Variants in SLC24A2 observed in about 807,000 individuals in gnomAD.
SLC24A2 encodes the protein sodium/potassium/calcium exchanger 2.
In SLC24A2, 36 loss-of-function variants were observed where a neutral mutation model predicts 62.0. That is an observed-to-expected ratio of 0.58 (90% CI 0.44 to 0.77). The LOEUF (loss-of-function observed/expected upper bound fraction) is 0.77, where lower values mean the gene tolerates loss of function less well. SLC24A2 is among the 30% of genes least tolerant of loss of function. The pLI is 0.00. For synonymous variants in SLC24A2, 358 were observed against 294.0 expected (o/e 1.22, Z -2.23); for missense variants, 846 against 817.9 (o/e 1.03, Z -0.42).
chr9:19,609,125 CTG>C (rs2132930936), intron 4 of SLC24A2, among the ~76,000 whole-genome samples: 2 of 152,398 alleles, frequency 1.3e-5, no homozygotes, highest in South Asian at 4.1e-4. Context: ...CCAGTGCTCA[CTG>C]TGTCCAGTGC....
intron 2 of SLC24A2, among the ~76,000 whole-genome samples, chr9:19,727,667 A>T (rs1821210848): frequency 6.6e-6 from 1 of 152,228 alleles, no homozygotes; most frequent in Admixed American, 6.5e-5. Flanking sequence ...CATTCAAGTA[A>T]TTTTGCTATA....
At chr9:20,185,749 C>T in the SLC24A2 span, among the ~76,000 whole-genome samples, 6 of 151,888 alleles carry the variant, frequency 4.0e-5, no homozygotes, top group Non-Finnish European at 7.4e-5. Context: ...TGATAATTTG[C>T]ATTTTAAAAT....
chr9:19,824,164 T>C, the SLC24A2 span, among the ~76,000 whole-genome samples: 2 of 152,074 alleles, frequency 1.3e-5, no homozygotes, highest in Non-Finnish European at 2.9e-5. Flanking sequence ...AAGCCAAAAT[T>C]GACAAATGGT....
the SLC24A2 span, among the ~76,000 whole-genome samples, chr9:20,162,234 C>A: frequency 6.6e-6 from 1 of 150,974 alleles, no homozygotes; most frequent in Admixed American, 6.6e-5. Context: ...CAAGACACCT[C>A]TTAAAAGAAA....
intron 2 of SLC24A2, among the ~76,000 whole-genome samples, chr9:19,682,127 G>C (rs1382941727): frequency 6.6e-6 from 1 of 152,108 alleles, no homozygotes; most frequent in Non-Finnish European, 1.5e-5. Context: ...TCATTATCTT[G>C]CATCATGGAT....
the SLC24A2 span, among the ~76,000 whole-genome samples, chr9:19,956,955 G>A: frequency 2.1e-3 from 327 of 152,308 alleles, 1 homozygote; most frequent in Middle Eastern, 6.8e-3. Context: ...CACTGCATCT[G>A]TGGAGGCTTG....
intron 7 of SLC24A2, among the ~76,000 whole-genome samples, chr9:19,571,646 A>C (rs1835841082): frequency 6.6e-6 from 1 of 152,222 alleles, no homozygotes; most frequent in Non-Finnish European, 1.5e-5. Context: ...TGTGAATTTT[A>C]AGATGACCTC....
At chr9:19,594,218 G>A (rs963054974) in intron 5 of SLC24A2, among the ~76,000 whole-genome samples, 1 of 151,782 alleles carries the variant, frequency 6.6e-6, no homozygotes, top group Non-Finnish European at 1.5e-5. Context: ...TTTCTTCCTG[G>A]TGTCTCAGTG....
At chr9:19,749,206 A>G (rs1821916414) in intron 2 of SLC24A2, among the ~76,000 whole-genome samples, 1 of 151,816 alleles carries the variant, frequency 6.6e-6, no homozygotes, top group Admixed American at 6.6e-5. Flanking sequence ...TTGAATCCTC[A>G]GCAAAACACA....
At chr9:19,550,953 A>C (rs1239050376) in intron 7 of SLC24A2, among the ~76,000 whole-genome samples, 1 of 151,892 alleles carries the variant, frequency 6.6e-6, no homozygotes, top group Non-Finnish European at 1.5e-5. Context: ...CATCACCTTG[A>C]GTGTTTATCA....
the SLC24A2 span, among the ~76,000 whole-genome samples, chr9:20,045,623 G>C: frequency 2.0e-5 from 3 of 151,926 alleles, no homozygotes; most frequent in Non-Finnish European, 4.4e-5. Context: ...AGTAGAGGCG[G>C]GGTTTCACTA....
At chr9:20,039,781 T>C in the SLC24A2 span, among the ~76,000 whole-genome samples, 2 of 152,214 alleles carry the variant, frequency 1.3e-5, no homozygotes, top group Non-Finnish European at 1.5e-5. Context: ...GTCTCTCCCA[T>C]ATCAGGAAAG....
chr9:19,563,667 G>A (rs1835511153), intron 7 of SLC24A2, among the ~76,000 whole-genome samples: 1 of 152,092 alleles, frequency 6.6e-6, no homozygotes, highest in African/African-American at 2.4e-5. Context: ...CAAAACTTCT[G>A]ATTTTTATAA....
chr9:20,153,755 GA>G, the SLC24A2 span, among the ~76,000 whole-genome samples: 6,607 of 151,880 alleles, frequency 0.044, 453 homozygotes, highest in African/African-American at 0.15. Flanking sequence ...AACCTATGCA[GA>G]AAAAAAGTAT....
the SLC24A2 span, among the ~76,000 whole-genome samples, chr9:19,976,257 TC>T: frequency 2.0e-5 from 3 of 152,234 alleles, no homozygotes; most frequent in Non-Finnish European, 2.9e-5. Flanking sequence ...ATATGGTTTG[TC>T]TCTGTATCCC....
the SLC24A2 span, among the ~76,000 whole-genome samples, chr9:20,050,366 A>G: frequency 6.6e-6 from 1 of 152,004 alleles, no homozygotes; most frequent in African/African-American, 2.4e-5. Flanking sequence ...CAGTGAGCCT[A>G]GATCGCACCA....
intron 4 of SLC24A2, among the ~76,000 whole-genome samples, chr9:19,606,035 C>T (rs1295234696): frequency 6.6e-6 from 1 of 152,158 alleles, no homozygotes; most frequent in Non-Finnish European, 1.5e-5. Context: ...TCTAAATGGG[C>T]ACATTGTGTG....
chr9:20,207,145 T>C, the SLC24A2 span, among the ~76,000 whole-genome samples: 1 of 152,370 alleles, frequency 6.6e-6, no homozygotes, highest in East Asian at 1.9e-4. Flanking sequence ...TCAACTTTAG[T>C]ACCTGAAATT....
chr9:19,786,755 G>T lies in SLC24A2; in HGVS notation c.112C>A (p.Arg38=), dbSNP rs754429867. ...YSVKKKLKLI[R]VLGLFMGLVA... is the part of the protein sequence containing the mutation. Reference sequence around the variant, plus strand: ...AGACCCATGAAAAGGCCTAAGACTCGAATTAACTTCAGTTTTTTCTTGACA... The same window carrying T: ...AGACCCATGAAAAGGCCTAAGACTCTAATTAACTTCAGTTTTTTCTTGACA... Residue 38 remains arginine, a synonymous_variant, in exon 2 of 11, where the codon CGA becomes AGA. Transcript: ENST00000341998. This position sits in a 1 kb window ranked among gnomAD's most constrained non-coding sequence, Gnocchi z 5.0. 7.7e-5 allele frequency: 124 copies of T among 1,601,346 alleles called. No homozygotes were observed. The highest frequency in any genetic ancestry group is 1.0e-4 in the Non-Finnish European group (118 of 1,173,370).
Sources: gnomAD v4.1 joint callset for allele counts (sites outside exome capture counted in the v4.1 genomes callset) on GRCh38, gnomAD v4.1.1 for gene constraint, Gnocchi (gnomAD v3.1) non-coding constraint, MANE v1.5 for transcripts, NCBI Gene and HGNC (gene_info 2026-07-23, HGNC 2026-07-21) for gene names.